Variants in ADAM22 observed in about 807,000 individuals in gnomAD.
ADAM22 encodes the protein disintegrin and metalloproteinase domain-containing protein 22.
ADAM22 carries 65 observed loss-of-function variants against 144.6 expected under a neutral mutation model. That is an observed-to-expected ratio of 0.45 (90% CI 0.37 to 0.55). The LOEUF (loss-of-function observed/expected upper bound fraction) is 0.55. Among genes scored for constraint, ADAM22 ranks in the 20% least tolerant of loss-of-function variants. The pLI, the probability that ADAM22 is intolerant of heterozygous loss-of-function variation, is 0.00. For synonymous variants in ADAM22, 391 were observed against 412.6 expected, an observed-to-expected ratio of 0.95 and a Z score of 0.63; for missense variants, 974 against 1,184.9, an observed-to-expected ratio of 0.82 and a Z score of 2.61.
intron 4 of ADAM22, among the ~76,000 whole-genome samples, chr7:88,087,174 C>T (rs763814062): frequency 1.8e-4 from 27 of 152,016 alleles, no homozygotes; most frequent in Non-Finnish European, 2.9e-4. Flanking sequence ...ACCATACATT[C>T]GGTGTACATT....
intron 4 of ADAM22, among the ~76,000 whole-genome samples, chr7:88,084,906 T>C (rs1818000793): frequency 6.6e-6 from 1 of 152,166 alleles, no homozygotes; most frequent in Non-Finnish European, 1.5e-5. Context: ...CCGAGGCCTC[T>C]CTCCTTGGTT....
intron 2 of ADAM22, among the ~76,000 whole-genome samples, chr7:87,974,454 A>G (rs1343659653): frequency 6.6e-6 from 1 of 152,208 alleles, no homozygotes; most frequent in African/African-American, 2.4e-5. Flanking sequence ...CATTTATTTT[A>G]GTGACCACCA....
chr7:87,981,986 G>A (rs576237652), intron 3 of ADAM22, among the ~76,000 whole-genome samples: 1 of 150,108 alleles, frequency 6.7e-6, no homozygotes, highest in African/African-American at 2.4e-5. Context: ...TTAATACAAA[G>A]TTATTGTGTA....
At chr7:88,149,399 G>A (rs769225190) in intron 18 of ADAM22, among the ~76,000 whole-genome samples, 1 of 152,048 alleles carries the variant, frequency 6.6e-6, no homozygotes, top group South Asian at 2.1e-4. Flanking sequence ...GTGGAGGCAG[G>A]GACTCACAAA....
At chr7:87,964,663 G>T in intron 2 of ADAM22, 1 of 429,790 alleles carries the variant, frequency 2.3e-6, no homozygotes, top group Middle Eastern at 3.4e-4. Context: ...CAGAATCCCA[G>T]AAGACCATAT....
At chr7:88,089,533 C>T (rs1819303325) in intron 4 of ADAM22, among the ~76,000 whole-genome samples, 1 of 152,126 alleles carries the variant, frequency 6.6e-6, no homozygotes, top group African/African-American at 2.4e-5. Context: ...AGCAACTCAG[C>T]AACAGCATTT....
At chr7:88,052,377 C>T (rs890864937) in intron 3 of ADAM22, among the ~76,000 whole-genome samples, 1 of 150,000 alleles carries the variant, frequency 6.7e-6, no homozygotes, top group Admixed American at 6.6e-5. Context: ...GGCGTGGTGG[C>T]GGGCACCTGT....
intron 27 of ADAM22, among the ~76,000 whole-genome samples, chr7:88,180,347 A>G (rs1417456949): frequency 1.3e-5 from 2 of 152,124 alleles, no homozygotes; most frequent in Non-Finnish European, 2.9e-5. Flanking sequence ...AAATTAAACA[A>G]CATGGTAAAT....
chr7:88,127,678 A>G (rs1363002455), intron 8 of ADAM22, among the ~76,000 whole-genome samples: 2 of 151,954 alleles, frequency 1.3e-5, no homozygotes, highest in Non-Finnish European at 2.9e-5. Context: ...TAACTGCAAC[A>G]CTCAAAACAA....
intron 25 of ADAM22, among the ~76,000 whole-genome samples, chr7:88,170,550 A>G (rs1844065141): frequency 1.3e-5 from 2 of 151,968 alleles, no homozygotes; most frequent in African/African-American, 4.8e-5. Flanking sequence ...ATAGAAAAAT[A>G]CCAGGCTTAT....
intron 4 of ADAM22, among the ~76,000 whole-genome samples, chr7:88,083,468 C>A (rs1817490604): frequency 6.6e-6 from 1 of 151,806 alleles, no homozygotes; most frequent in South Asian, 2.1e-4. Flanking sequence ...TTCCCATGTA[C>A]CCTAAAACTT....
intron 2 of ADAM22, among the ~76,000 whole-genome samples, chr7:87,965,105 A>T (rs577422395): frequency 6.6e-6 from 1 of 152,196 alleles, no homozygotes; most frequent in East Asian, 1.9e-4. Context: ...CCCACTGGCA[A>T]ACAAAAAAAA....
intron 3 of ADAM22, among the ~76,000 whole-genome samples, chr7:87,984,135 AG>A (rs796743960): frequency 4.1e-4 from 63 of 152,292 alleles, no homozygotes; most frequent in African/African-American, 1.5e-3. Context: ...TTATGACACA[AG>A]CCCCTGCCGA....
At position 88,021,858 on chromosome 7, in the gene ADAM22, C is replaced by T. The variant is rs557543508; in HGVS notation, c.323+43446C>T. 5.9e-5 allele frequency among the ~76,000 whole-genome samples: 9 copies of T among 151,564 alleles called. No homozygotes were observed. The East Asian group carries it at 1.6e-3, about 26-fold the overall frequency. ...AAGTTTAATTCATTTGGAATTTCTT[C>T]CTTCTCTCATTACATTTTTTTTTTT... On this transcript the variant is annotated intron_variant, in intron 3 of 31. Transcript: ENST00000413139.
At chr7:88,051,292 G>T (rs1806265795) in intron 3 of ADAM22, among the ~76,000 whole-genome samples, 1 of 152,136 alleles carries the variant, frequency 6.6e-6, no homozygotes, top group Non-Finnish European at 1.5e-5. Flanking sequence ...CAAAGACTTG[G>T]AACCAACCTA....
intron 29 of ADAM22, among the ~76,000 whole-genome samples, chr7:88,185,227 A>G (rs569404285): frequency 1.2e-4 from 18 of 152,198 alleles, no homozygotes; most frequent in Non-Finnish European, 2.4e-4. Flanking sequence ...GAGTCAGGAG[A>G]TACTATCTTA....
At chr7:88,055,996 A>G (rs995353172) in intron 3 of ADAM22, among the ~76,000 whole-genome samples, 1 of 152,236 alleles carries the variant, frequency 6.6e-6, no homozygotes, top group Non-Finnish European at 1.5e-5. Flanking sequence ...TTCATGTCTC[A>G]GGAATCTGCA....
At chr7:88,132,717 T>G in intron 11 of ADAM22, 150 bp from the exon 12 acceptor site, 1 of 588,786 alleles carries the variant, frequency 1.7e-6, no homozygotes, top group Non-Finnish European at 3.0e-6. Flanking sequence ...GTTACATGTA[T>G]AAACAATTTT....
At chr7:88,096,849 A>G (rs1329371914) in intron 4 of ADAM22, among the ~76,000 whole-genome samples, 2 of 152,132 alleles carry the variant, frequency 1.3e-5, no homozygotes, top group African/African-American at 4.8e-5. Context: ...GCTTATTCTC[A>G]TAGAAACACT....
Sources: allele counts gnomAD v4.1 joint callset (sites outside exome capture counted in the v4.1 genomes callset), GRCh38; gene constraint gnomAD v4.1.1; transcripts MANE v1.5; gene names NCBI Gene and HGNC (gene_info 2026-07-23, HGNC 2026-07-21).